Variants in CTNNA3 observed in about 807,000 individuals in gnomAD.
CTNNA3 encodes catenin alpha-3.
In CTNNA3, 76 loss-of-function variants were observed where a neutral mutation model predicts 95.7. The ratio of observed to expected loss-of-function variants is 0.79; its 90% confidence interval spans 0.66 to 0.96. The LOEUF is 0.96. Ranked by LOEUF, CTNNA3 falls within the 40% of genes least tolerant of loss-of-function variation. The pLI is 0.00. For synonymous variants in CTNNA3, 431 were observed against 374.4 expected (o/e 1.15, Z -1.74); for missense variants, 1,191 against 1,089.8 (o/e 1.09, Z -1.31).
At chr10:67,049,049 T>A (rs1854928819) in intron 7 of CTNNA3, among the ~76,000 whole-genome samples, 1 of 151,152 alleles carries the variant, frequency 6.6e-6, no homozygotes, top group Non-Finnish European at 1.5e-5. Flanking sequence ...TTTTTTGTAC[T>A]CTTCTTATCT....
At chr10:67,459,730 G>A (rs1379092089) in intron 5 of CTNNA3, among the ~76,000 whole-genome samples, 1 of 152,046 alleles carries the variant, frequency 6.6e-6, no homozygotes, top group Admixed American at 6.6e-5. Context: ...TTACTCTTTT[G>A]ACATATGCCT....
At position 67,526,918 on chromosome 10, in the gene CTNNA3, T is replaced by C. The variant is rs79055014; in HGVS notation, c.460-4957A>G. On this transcript the variant is annotated intron_variant, in intron 4 of 17. Transcript: ENST00000433211. ...GCTTGACGCTGTGAGAAACATCACA[T>C]TTATGGTGAGGCTTGGGTGGAAAAA... Among the ~76,000 whole-genome samples the C allele has an allele frequency of 0.029, 4,481 of 152,248 alleles. 454 individuals are homozygous for C. The East Asian group carries it at 0.37, about 12-fold the overall frequency.
chr10:67,251,742 A>G (rs1866117453), intron 5 of CTNNA3, among the ~76,000 whole-genome samples: 1 of 152,160 alleles, frequency 6.6e-6, no homozygotes, highest in Non-Finnish European at 1.5e-5. Context: ...TAAATTACAG[A>G]TAGAGCCCCT....
chr10:67,002,667 C>G (rs544859674), intron 7 of CTNNA3, among the ~76,000 whole-genome samples: 4 of 152,144 alleles, frequency 2.6e-5, no homozygotes, highest in Admixed American at 1.3e-4. Flanking sequence ...TTTCAGGATG[C>G]CTACTTGTTT....
chr10:66,796,898 C>T (rs949409194), intron 7 of CTNNA3, among the ~76,000 whole-genome samples: 1 of 151,996 alleles, frequency 6.6e-6, no homozygotes, highest in Non-Finnish European at 1.5e-5. Flanking sequence ...AATATCAATG[C>T]TTTAGCCTAG....
At chr10:67,348,074 A>G (rs573181332) in intron 5 of CTNNA3, among the ~76,000 whole-genome samples, 1 of 152,180 alleles carries the variant, frequency 6.6e-6, no homozygotes, top group Admixed American at 6.6e-5. Flanking sequence ...AGTCTCTTCA[A>G]CAAATGGTGT....
chr10:66,783,863 T>C (rs1840637433), intron 7 of CTNNA3, among the ~76,000 whole-genome samples: 1 of 152,162 alleles, frequency 6.6e-6, no homozygotes, highest in Non-Finnish European at 1.5e-5. Context: ...TCCAGTTTCT[T>C]AAGTCTAATT....
intron 7 of CTNNA3, among the ~76,000 whole-genome samples, chr10:66,903,524 C>T (rs1845847038): frequency 6.6e-6 from 1 of 152,050 alleles, no homozygotes; most frequent in Non-Finnish European, 1.5e-5. Flanking sequence ...GAAGTTCTGG[C>T]CAGGACAATT....
intron 11 of CTNNA3, among the ~76,000 whole-genome samples, chr10:66,404,718 A>G (rs2093044304): frequency 6.6e-6 from 1 of 152,034 alleles, no homozygotes. Context: ...GACAGCTTTG[A>G]ATGTGGTGTA....
At chr10:66,542,043 A>G (rs1297023232) in intron 10 of CTNNA3, among the ~76,000 whole-genome samples, 2 of 152,112 alleles carry the variant, frequency 1.3e-5, no homozygotes, top group Non-Finnish European at 2.9e-5. Flanking sequence ...AATTTACAAG[A>G]AAAAAACAAA....
chr10:67,308,915 T>C (rs1029848136), intron 5 of CTNNA3, among the ~76,000 whole-genome samples: 1 of 152,196 alleles, frequency 6.6e-6, no homozygotes, highest in Non-Finnish European at 1.5e-5. Context: ...TATTAGTGAA[T>C]TTTAATTCTC....
At chr10:67,468,362 C>CT (rs201546379) in intron 5 of CTNNA3, among the ~76,000 whole-genome samples, 57 of 150,732 alleles carry the variant, frequency 3.8e-4, no homozygotes, top group Admixed American at 9.9e-4. Context: ...GACCCTGTTC[C>CT]TTTTAAAAAA....
intron 13 of CTNNA3, among the ~76,000 whole-genome samples, chr10:66,154,717 T>C (rs1298610131): frequency 1.6e-5 from 2 of 125,510 alleles, no homozygotes; most frequent in African/African-American, 6.0e-5. Context: ...TTTGAAAAAG[T>C]TCATATATAT....
intron 2 of CTNNA3, among the ~76,000 whole-genome samples, chr10:67,624,986 T>A (rs1342516738): frequency 6.6e-6 from 1 of 152,118 alleles, no homozygotes; most frequent in Non-Finnish European, 1.5e-5. Context: ...CTGTGAAGAG[T>A]CCCTCTTGTT....
intron 11 of CTNNA3, among the ~76,000 whole-genome samples, chr10:66,439,354 G>A (rs140251546): frequency 1.2e-4 from 19 of 152,048 alleles, no homozygotes; most frequent in African/African-American, 4.1e-4. Flanking sequence ...ATGACCCTAT[G>A]AAGAACACAC....
intron 11 of CTNNA3, among the ~76,000 whole-genome samples, chr10:66,422,933 T>A (rs1239994270): frequency 1.3e-5 from 2 of 151,844 alleles, no homozygotes; most frequent in African/African-American, 4.8e-5. Context: ...CCCAGCCAAA[T>A]TTCATTTTTA....
chr10:67,759,568 T>G (rs1564847801), intron 1 of CTNNA3, among the ~76,000 whole-genome samples: 1 of 152,236 alleles, frequency 6.6e-6, no homozygotes, highest in Non-Finnish European at 1.5e-5. Context: ...GGCAAAAATC[T>G]AAGATGTCCC....
intron 7 of CTNNA3, among the ~76,000 whole-genome samples, chr10:67,113,062 C>T (rs969476541): frequency 9.9e-5 from 15 of 152,258 alleles, no homozygotes; most frequent in African/African-American, 3.4e-4. Context: ...CATGTTAAGA[C>T]TCCCATGGAG....
chr10:66,927,403 C>G lies in CTNNA3; in HGVS notation c.1048-151879G>C. 6.2e-7 allele frequency: 1 copy of G among 1,614,128 alleles called. No homozygotes were observed. Among genetic ancestry groups the G allele is most frequent in the Non-Finnish European group, 8.5e-7 (1 of 1,180,030 alleles). On this transcript the variant is annotated intron_variant, in intron 7 of 17. Coordinates refer to ENST00000433211, the MANE Select transcript of CTNNA3 (RefSeq NM_013266.4). This position sits in a 1 kb window ranked among gnomAD's most constrained non-coding sequence, Gnocchi z 4.7. ...GGGCTTGCGGAAGCTGCTGAGTTTA[C>G]ATTTACGGTCTAACTCCCTGAGAAC...
Sources: allele counts gnomAD v4.1 joint callset (sites outside exome capture counted in the v4.1 genomes callset), GRCh38; gene constraint gnomAD v4.1.1; non-coding constraint Gnocchi (gnomAD v3.1); transcripts MANE v1.5; gene names NCBI Gene and HGNC (gene_info 2026-07-23, HGNC 2026-07-21).